The following AUTS2 variants were observed in gnomAD, a reference collection of about 807,000 sequenced individuals.
AUTS2 encodes the protein autism susceptibility gene 2 protein.
A neutral mutation model predicts 112.4 loss-of-function variants in AUTS2; 17 were observed. The observed-to-expected ratio is 0.15, with a 90% CI of 0.10 to 0.23. AUTS2 has a LOEUF of 0.23. Ranked by LOEUF, AUTS2 falls within the 10% of genes least tolerant of loss-of-function variation. The pLI is 1.00. For synonymous variants in AUTS2, 751 were observed against 702.7 expected, an observed-to-expected ratio of 1.07 and a Z score of -1.09; for missense variants, 1,510 against 1,701.6, an observed-to-expected ratio of 0.89 and a Z score of 1.98.
chr7:70,022,188 T>G (rs1283418496), intron 2 of AUTS2, among the ~76,000 whole-genome samples: 1 of 151,246 alleles, frequency 6.6e-6, no homozygotes, highest in African/African-American at 2.4e-5. Flanking sequence ...TAACTAAAAC[T>G]GAATGAAAGC....
chr7:70,216,135 A>G (rs1043508077), intron 4 of AUTS2, among the ~76,000 whole-genome samples: 8 of 152,194 alleles, frequency 5.3e-5, no homozygotes, highest in African/African-American at 1.9e-4. Context: ...TAACATTTTA[A>G]TAGTTCCATT....
At chr7:70,412,688 T>C (rs1045489151) in intron 4 of AUTS2, among the ~76,000 whole-genome samples, 5 of 152,356 alleles carry the variant, frequency 3.3e-5, no homozygotes, top group Middle Eastern at 3.4e-3. Context: ...ATTTTATGTA[T>C]ACTTATTAAA....
chr7:69,639,172 C>T (rs1562778281), intron 1 of AUTS2, among the ~76,000 whole-genome samples: 2 of 152,166 alleles, frequency 1.3e-5, no homozygotes, highest in Non-Finnish European at 2.9e-5. Flanking sequence ...CTCTTAGGTT[C>T]CATAATATTT....
intron 4 of AUTS2, among the ~76,000 whole-genome samples, chr7:70,168,539 C>A (rs998850247): frequency 6.6e-6 from 1 of 152,122 alleles, no homozygotes. Flanking sequence ...TGGTCTTGTA[C>A]TCCTGAACCT....
intron 5 of AUTS2, among the ~76,000 whole-genome samples, chr7:70,601,698 C>T (rs549874260): frequency 6.6e-6 from 1 of 152,056 alleles, no homozygotes; most frequent in Non-Finnish European, 1.5e-5. Context: ...GAAGCGGGGA[C>T]AGGAAGTTGT....
intron 1 of AUTS2, among the ~76,000 whole-genome samples, chr7:69,680,901 C>G (rs1273681257): frequency 6.6e-6 from 1 of 152,182 alleles, no homozygotes; most frequent in African/African-American, 2.4e-5. Context: ...AACTCCTGAC[C>G]TCAAGTAATC....
At chr7:69,671,863 T>C (rs74431897) in intron 1 of AUTS2, among the ~76,000 whole-genome samples, 5,698 of 152,068 alleles carry the variant, frequency 0.037, 160 homozygotes, top group Middle Eastern at 0.082. Flanking sequence ...CTTACAAAAA[T>C]GTGTACAATG....
chr7:70,351,010 G>A (rs974526690), intron 4 of AUTS2, among the ~76,000 whole-genome samples: 4 of 149,088 alleles, frequency 2.7e-5, no homozygotes, highest in Admixed American at 6.7e-5. Flanking sequence ...ACTTATCATC[G>A]TGTTCTCCAT....
intron 5 of AUTS2, among the ~76,000 whole-genome samples, chr7:70,666,964 C>T (rs1385968307): frequency 2.3e-5 from 3 of 128,174 alleles, no homozygotes; most frequent in East Asian, 4.6e-4. Flanking sequence ...TTCCTAGTGC[C>T]GTCTTCTTAA....
intron 17 of AUTS2, chr7:70,786,785 G>A (rs1403904704): frequency 6.6e-6 from 2 of 302,098 alleles, no homozygotes; most frequent in East Asian, 2.0e-4. Flanking sequence ...GGTCTCTGGT[G>A]ACACTTGAGA....
chr7:69,878,858 C>T (rs912366505), intron 1 of AUTS2, among the ~76,000 whole-genome samples: 2 of 152,076 alleles, frequency 1.3e-5, no homozygotes, highest in East Asian at 1.9e-4. Flanking sequence ...CTCAACCAGT[C>T]GCTCTTAAGA....
At chr7:69,656,830 T>C (rs900425767) in intron 1 of AUTS2, among the ~76,000 whole-genome samples, 2 of 152,226 alleles carry the variant, frequency 1.3e-5, no homozygotes, top group African/African-American at 2.4e-5. Flanking sequence ...AGGGTCTGTG[T>C]CCTGTTGGCT....
At chr7:69,602,020 G>GTGTATA (rs1486667901) in intron 1 of AUTS2, among the ~76,000 whole-genome samples, 5 of 68,384 alleles carry the variant, frequency 7.3e-5, no homozygotes, top group Non-Finnish European at 1.3e-4. Context: ...ATGTGTGTGT[G>GTGTATA]TATATATATA....
intron 5 of AUTS2, among the ~76,000 whole-genome samples, chr7:70,677,090 T>C (rs892960660): frequency 6.6e-6 from 1 of 152,318 alleles, no homozygotes; most frequent in African/African-American, 2.4e-5. Flanking sequence ...TTCTCAGTCC[T>C]TCTCCTCCAG....
At chr7:70,486,908 C>CA (rs1554410190) in intron 5 of AUTS2, among the ~76,000 whole-genome samples, 9,051 of 118,680 alleles carry the variant, frequency 0.076, 765 homozygotes, top group African/African-American at 0.21. Context: ...CCCCCCCCCC[C>CA]AAAAAAAAAG....
intron 4 of AUTS2, among the ~76,000 whole-genome samples, chr7:70,147,785 C>CTTAGG (rs1807209648): frequency 6.6e-6 from 1 of 152,004 alleles, no homozygotes; most frequent in Admixed American, 6.6e-5. Flanking sequence ...GGTGGAAAGC[C>CTTAGG]AAACCCAAGA....
chr7:70,221,760 A>T (rs1487777172), intron 4 of AUTS2, among the ~76,000 whole-genome samples: 1 of 152,190 alleles, frequency 6.6e-6, no homozygotes, highest in Non-Finnish European at 1.5e-5. Context: ...GGTGGTGGGC[A>T]TCTGTAATCC....
intron 2 of AUTS2, among the ~76,000 whole-genome samples, chr7:70,111,503 C>T (rs1328571907): frequency 6.6e-6 from 1 of 152,178 alleles, no homozygotes; most frequent in Non-Finnish European, 1.5e-5. Flanking sequence ...CATCACCATA[C>T]AACATTGCCA....
chr7:70,025,379 C>T (rs904536423), intron 2 of AUTS2, among the ~76,000 whole-genome samples: 1 of 151,858 alleles, frequency 6.6e-6, no homozygotes, highest in South Asian at 2.1e-4. Context: ...ATTCCCCCAT[C>T]ACTGTCATCA....
Sources: allele counts gnomAD v4.1 joint callset (sites outside exome capture counted in the v4.1 genomes callset), GRCh38; gene constraint gnomAD v4.1.1; transcripts MANE v1.5; gene names NCBI Gene and HGNC (gene_info 2026-07-23, HGNC 2026-07-21).